The following PDE4D variants were observed in gnomAD, a reference collection of about 807,000 sequenced individuals.
The protein encoded by PDE4D is 3',5'-cyclic-AMP phosphodiesterase 4D.
PDE4D carries 24 observed loss-of-function variants against 87.4 expected under a neutral mutation model. The observed-to-expected ratio is 0.27, with a 90% CI of 0.20 to 0.39. The LOEUF is 0.39. PDE4D is among the 10% of genes least tolerant of loss of function. The pLI is 1.00. For synonymous variants in PDE4D, 384 were observed against 383.2 expected (o/e 1.00, Z -0.02); for missense variants, 714 against 1,041.0 (o/e 0.69, Z 4.32).
intron 1 of PDE4D, among the ~76,000 whole-genome samples, chr5:60,380,002 C>G (rs1173511862): frequency 6.6e-6 from 1 of 152,188 alleles, no homozygotes; most frequent in Non-Finnish European, 1.5e-5. Flanking sequence ...AAAGAGCCCT[C>G]AATCTCAGTG....
intron 1 of PDE4D, among the ~76,000 whole-genome samples, chr5:59,747,986 C>T (rs1175961300): frequency 1.3e-5 from 2 of 152,150 alleles, no homozygotes; most frequent in Non-Finnish European, 2.9e-5. Flanking sequence ...ATTTTTCTTC[C>T]TATCCCCTCC....
At chr5:59,428,081 C>T (rs1795570465) in intron 1 of PDE4D, among the ~76,000 whole-genome samples, 1 of 152,070 alleles carries the variant, frequency 6.6e-6, no homozygotes, top group South Asian at 2.1e-4. Flanking sequence ...TTCATTGCTG[C>T]TCTTGAAATA....
chr5:59,958,845 C>A (rs924784924), intron 3 of PDE4D, among the ~76,000 whole-genome samples: 7 of 151,946 alleles, frequency 4.6e-5, no homozygotes, highest in African/African-American at 1.7e-4. Flanking sequence ...CTAGTCAGAG[C>A]GATCAGGCAA....
intron 1 of PDE4D, among the ~76,000 whole-genome samples, chr5:59,540,174 T>G (rs1173703216): frequency 6.6e-6 from 1 of 152,178 alleles, no homozygotes; most frequent in Non-Finnish European, 1.5e-5. Context: ...TAACTAACAG[T>G]AGGGAAGCAC....
intron 1 of PDE4D, among the ~76,000 whole-genome samples, chr5:60,307,307 T>G (rs898326146): frequency 1.5e-4 from 23 of 152,102 alleles, no homozygotes; most frequent in African/African-American, 5.3e-4. Flanking sequence ...TAGAAACCTG[T>G]AACAATGAAA....
At chr5:59,362,509 TA>T (rs35895437) in intron 1 of PDE4D, among the ~76,000 whole-genome samples, 44,329 of 151,930 alleles carry the variant, frequency 0.29, 7,268 homozygotes, top group Non-Finnish European at 0.37. Flanking sequence ...TTACAAGATC[TA>T]AAAAAAATTA....
intron 1 of PDE4D, among the ~76,000 whole-genome samples, chr5:59,595,747 T>G (rs1261534998): frequency 6.6e-6 from 1 of 152,146 alleles, no homozygotes; most frequent in Non-Finnish European, 1.5e-5. Flanking sequence ...CTCTGGATGT[T>G]TCTATTCTTA....
At chr5:60,432,135 T>C (rs1374604762) in intron 1 of PDE4D, among the ~76,000 whole-genome samples, 1 of 151,210 alleles carries the variant, frequency 6.6e-6, no homozygotes, top group East Asian at 1.9e-4. Flanking sequence ...GTTTTTTTTA[T>C]GTGCTGCTGG....
At chr5:59,967,806 T>C (rs1760221171) in intron 3 of PDE4D, among the ~76,000 whole-genome samples, 1 of 152,106 alleles carries the variant, frequency 6.6e-6, no homozygotes, top group African/African-American at 2.4e-5. Flanking sequence ...CATATGCTCA[T>C]CACTGCACTA....
At chr5:59,695,965 A>C (rs990746865) in intron 1 of PDE4D, among the ~76,000 whole-genome samples, 1 of 152,108 alleles carries the variant, frequency 6.6e-6, no homozygotes. Context: ...AAGTCATTCA[A>C]CTCGACATGT....
chr5:59,541,045 A>G (rs1044100129), intron 1 of PDE4D, among the ~76,000 whole-genome samples: 4 of 152,194 alleles, frequency 2.6e-5, no homozygotes, highest in Non-Finnish European at 1.5e-5. Flanking sequence ...GAATTTAAAG[A>G]AACGACGCCC....
At chr5:59,614,984 C>T (rs1189929964) in intron 1 of PDE4D, among the ~76,000 whole-genome samples, 2 of 152,010 alleles carry the variant, frequency 1.3e-5, no homozygotes, top group Non-Finnish European at 2.9e-5. Context: ...CACGCACTAC[C>T]ACACCCAGCT....
chr5:59,036,576 C>A (rs13161103), intron 6 of PDE4D, among the ~76,000 whole-genome samples: 110 of 152,318 alleles, frequency 7.2e-4, no homozygotes, highest in Non-Finnish European at 9.7e-4. Flanking sequence ...GTGGATGTGG[C>A]TTATTCATGC....
chr5:60,329,337 T>C (rs1456571900), intron 1 of PDE4D, among the ~76,000 whole-genome samples: 2 of 152,182 alleles, frequency 1.3e-5, no homozygotes, highest in African/African-American at 2.4e-5. Flanking sequence ...CCTGCTTCGC[T>C]CAGCACTTCT....
chr5:59,046,669 A>G (rs1035800753), intron 5 of PDE4D, among the ~76,000 whole-genome samples: 6 of 152,030 alleles, frequency 3.9e-5, no homozygotes, highest in Non-Finnish European at 8.8e-5. Flanking sequence ...CAAAATCCCG[A>G]CTTGTTTTGT....
At chr5:59,262,612 G>A (rs1762210967) in intron 1 of PDE4D, among the ~76,000 whole-genome samples, 1 of 151,804 alleles carries the variant, frequency 6.6e-6, no homozygotes, top group Non-Finnish European at 1.5e-5. Context: ...TAGGGCTCCA[G>A]GACAAGCTTG....
intron 5 of PDE4D, among the ~76,000 whole-genome samples, chr5:59,106,769 C>T (rs904568983): frequency 6.6e-6 from 1 of 152,076 alleles, no homozygotes. Flanking sequence ...TCAAAAACAA[C>T]AACAACCAAA....
rs1377091601 is a variant in PDE4D, at chr5:59,003,448, CA to C, written c.922-9984del. Among the ~76,000 whole-genome samples the C allele has an allele frequency of 2.0e-5, 3 of 152,226 alleles. No homozygotes were observed. In the East Asian group the frequency reaches 5.8e-4, roughly 29 times the overall value. On this transcript the variant is annotated intron_variant, in intron 6 of 14. Coordinates refer to ENST00000340635, the MANE Select transcript of PDE4D (RefSeq NM_001104631.2). ...TCTGCCAACCTCAAACTGGTTTTCT[CA>C]GTCAGATTTAAATCATTCAAAGTAC...
intron 2 of PDE4D, among the ~76,000 whole-genome samples, chr5:60,091,677 G>A (rs1775125498): frequency 6.6e-6 from 1 of 152,134 alleles, no homozygotes; most frequent in South Asian, 2.1e-4. Context: ...AAAGATATCT[G>A]CACTCCCATG....
Sources: gnomAD v4.1 joint callset for allele counts (sites outside exome capture counted in the v4.1 genomes callset) on GRCh38, gnomAD v4.1.1 for gene constraint, MANE v1.5 for transcripts, NCBI Gene and HGNC (gene_info 2026-07-23, HGNC 2026-07-21) for gene names.